Variants in KCNIP4 observed in about 807,000 individuals in gnomAD.
KCNIP4 encodes the protein Kv channel-interacting protein 4.
KCNIP4 carries 12 observed loss-of-function variants against 34.0 expected under a neutral mutation model. That is an observed-to-expected ratio of 0.35 (90% CI 0.23 to 0.57). KCNIP4 has a LOEUF of 0.57. KCNIP4 is among the 20% of genes least tolerant of loss of function. KCNIP4 has a pLI of 0.83. For missense variants in KCNIP4, 238 were observed against 311.7 expected (o/e 0.76, Z 1.78); for synonymous variants, 124 against 102.2 (o/e 1.21, Z -1.29).
At chr4:21,552,696 GC>G (rs1738678641) in intron 1 of KCNIP4, among the ~76,000 whole-genome samples, 1 of 152,108 alleles carries the variant, frequency 6.6e-6, no homozygotes, top group African/African-American at 2.4e-5. Context: ...ACTTGTCACA[GC>G]AAAGCATATT....
At chr4:21,564,086 T>G (rs1386783824) in intron 1 of KCNIP4, among the ~76,000 whole-genome samples, 1 of 152,146 alleles carries the variant, frequency 6.6e-6, no homozygotes, top group Non-Finnish European at 1.5e-5. Context: ...ATTAGAAAAT[T>G]GAAATTACAA....
chr4:21,483,382 G>A (rs984604848), intron 1 of KCNIP4, among the ~76,000 whole-genome samples: 1 of 152,100 alleles, frequency 6.6e-6, no homozygotes, highest in African/African-American at 2.4e-5. Flanking sequence ...AGTCCCTGAT[G>A]CTACAGGTGG....
chr4:21,792,025 A>AAAAAAC (rs1560717743), intron 1 of KCNIP4, among the ~76,000 whole-genome samples: 26 of 126,840 alleles, frequency 2.0e-4, no homozygotes, highest in African/African-American at 7.0e-4. Flanking sequence ...AAAAAAAAAA[A>AAAAAAC]AAAACCTACC....
intron 1 of KCNIP4, among the ~76,000 whole-genome samples, chr4:21,800,316 C>T (rs1397218301): frequency 6.6e-6 from 1 of 152,116 alleles, no homozygotes; most frequent in Non-Finnish European, 1.5e-5. Context: ...TAATAAGAGA[C>T]ACTGAAGACT....
intron 1 of KCNIP4, among the ~76,000 whole-genome samples, chr4:21,647,700 T>C (rs1478019270): frequency 1.3e-5 from 2 of 152,076 alleles, no homozygotes; most frequent in Non-Finnish European, 2.9e-5. Flanking sequence ...ATTCTCTCTG[T>C]GTCCATACAC....
chr4:21,325,803 T>C (rs1291043807), intron 1 of KCNIP4, among the ~76,000 whole-genome samples: 2 of 151,964 alleles, frequency 1.3e-5, no homozygotes, highest in African/African-American at 4.8e-5. Context: ...GTTTTCACTA[T>C]CATTTGTTTC....
At chr4:21,243,193 C>T (rs1453309364) in intron 1 of KCNIP4, among the ~76,000 whole-genome samples, 1 of 152,042 alleles carries the variant, frequency 6.6e-6, no homozygotes, top group Non-Finnish European at 1.5e-5. Context: ...AATAACTTCT[C>T]TACAATAGAG....
At chr4:21,007,699 T>G (rs1738694701) in intron 1 of KCNIP4, among the ~76,000 whole-genome samples, 1 of 152,162 alleles carries the variant, frequency 6.6e-6, no homozygotes, top group African/African-American at 2.4e-5. Context: ...TTAATGGCGC[T>G]CTGAATACTC....
intron 1 of KCNIP4, among the ~76,000 whole-genome samples, chr4:21,658,260 A>C (rs1315819117): frequency 6.6e-6 from 1 of 152,238 alleles, no homozygotes; most frequent in Admixed American, 6.5e-5. Context: ...CATACTAAAC[A>C]TACTGTAATT....
In KCNIP4 at chr4:21,863,055, T is replaced by G. The variant is rs1055647178; in HGVS notation, c.61+85516A>C. 2.6e-5 allele frequency among the ~76,000 whole-genome samples: 4 copies of G among 152,232 alleles called. No homozygotes were observed. In the East Asian group the frequency reaches 7.7e-4, roughly 29 times the overall value. ...CTTTGGTACTGTTAATACCACCAGTTTCATCATCATCGCCAACAATAAGGG... is the reference window on the plus strand; with the variant it reads ...CTTTGGTACTGTTAATACCACCAGTGTCATCATCATCGCCAACAATAAGGG... On this transcript the variant is annotated intron_variant, in intron 1 of 8. Coordinates refer to ENST00000382152, the MANE Select transcript of KCNIP4 (RefSeq NM_025221.6).
chr4:21,851,598 G>C (rs1289947480), intron 1 of KCNIP4: 1 of 152,088 alleles, frequency 6.6e-6, no homozygotes, highest in Non-Finnish European at 1.5e-5. Flanking sequence ...ACAAACACGG[G>C]CTTGTGTGAT....
At chr4:21,677,558 A>C (rs531803910) in intron 1 of KCNIP4, among the ~76,000 whole-genome samples, 1 of 152,250 alleles carries the variant, frequency 6.6e-6, no homozygotes, top group African/African-American at 2.4e-5. Flanking sequence ...CATTGCTGCA[A>C]TGGTGGAGCC....
At chr4:21,811,677 T>G (rs1721662293) in intron 1 of KCNIP4, among the ~76,000 whole-genome samples, 1 of 152,224 alleles carries the variant, frequency 6.6e-6, no homozygotes. Context: ...TATTTGTTTT[T>G]CTTTTCCTTC....
rs950951775 is a variant in KCNIP4 at position 21,304,018 on chromosome 4, G to C, written c.62-421309C>G. On this transcript the variant is annotated intron_variant, in intron 1 of 8. Transcript: ENST00000382152. ...AAGGCTACTGCTGGAGAAAGGGGAG[G>C]AGGAGAGCGTATGAGAGAGAGAGAG... 3 of 1,028,608 alleles carry C rather than the reference G, an allele frequency of 2.9e-6. No homozygotes were observed. In the African/African-American group the frequency reaches 5.7e-5, roughly 20 times the overall value. 63.7% of individuals were successfully genotyped at this position (1,028,608 alleles called of 1,614,324 possible). A position where few individuals can be genotyped will look rare whatever the true frequency, so the allele number is the denominator to read the frequency against.
intron 1 of KCNIP4, among the ~76,000 whole-genome samples, chr4:21,509,453 G>A (rs957240157): frequency 2.2e-4 from 33 of 152,112 alleles, no homozygotes; most frequent in African/African-American, 6.8e-4. Context: ...TGCTTGTTGG[G>A]ATGATAACAA....
chr4:21,074,371 T>G (rs1426945610), intron 1 of KCNIP4, among the ~76,000 whole-genome samples: 1 of 152,238 alleles, frequency 6.6e-6, no homozygotes, highest in African/African-American at 2.4e-5. Flanking sequence ...CTTGGGAGAC[T>G]GTATGTGTCC....
intron 1 of KCNIP4, among the ~76,000 whole-genome samples, chr4:21,928,127 T>TATATATATATATAC (rs141651426): frequency 6.9e-6 from 1 of 143,920 alleles, no homozygotes; most frequent in African/African-American, 2.5e-5. Flanking sequence ...TATATATATA[T>TATATATATATATAC]ACACACACAC....
chr4:21,174,539 G>A (rs1754253612), intron 1 of KCNIP4, among the ~76,000 whole-genome samples: 2 of 152,140 alleles, frequency 1.3e-5, no homozygotes, highest in South Asian at 4.1e-4. Context: ...TTTGACTTAA[G>A]CTGGTCTCTT....
At chr4:21,036,297 G>A (rs1312351640) in intron 1 of KCNIP4, among the ~76,000 whole-genome samples, 1 of 152,124 alleles carries the variant, frequency 6.6e-6, no homozygotes, top group African/African-American at 2.4e-5. Flanking sequence ...ATCATAGAAG[G>A]ATTAGGTGGA....
Sources: gnomAD v4.1 joint callset for allele counts (sites outside exome capture counted in the v4.1 genomes callset) on GRCh38, gnomAD v4.1.1 for gene constraint, MANE v1.5 for transcripts, NCBI Gene and HGNC (gene_info 2026-07-23, HGNC 2026-07-21) for gene names.